Variants in VEPH1 observed in about 807,000 individuals in gnomAD.
VEPH1 encodes ventricular zone expressed PH domain containing 1, also known as ventricular zone-expressed PH domain-containing protein homolog 1.
In VEPH1, 80 loss-of-function variants were observed where a neutral mutation model predicts 85.2. That is an observed-to-expected ratio of 0.94 (90% CI 0.78 to 1.13). VEPH1 has a LOEUF of 1.13. VEPH1 is among the 50% of genes most tolerant of loss of function. The pLI, the probability that VEPH1 is intolerant of heterozygous loss-of-function variation, is 0.00. For synonymous variants in VEPH1, 297 were observed against 348.0 expected, an observed-to-expected ratio of 0.85 and a Z score of 1.63; for missense variants, 955 against 980.5, an observed-to-expected ratio of 0.97 and a Z score of 0.35.
intron 7 of VEPH1, among the ~76,000 whole-genome samples, chr3:157,373,386 T>C (rs996466612): frequency 6.6e-6 from 1 of 152,216 alleles, no homozygotes. Flanking sequence ...AGAGTTGATA[T>C]ATAGTCACGG....
At chr3:157,341,381 C>A (rs1723541738) in intron 9 of VEPH1, among the ~76,000 whole-genome samples, 1 of 152,126 alleles carries the variant, frequency 6.6e-6, no homozygotes. Flanking sequence ...GACGAATGCA[C>A]AAGCTTCAGT....
chr3:157,323,655 G>A (rs1197896260), intron 9 of VEPH1, among the ~76,000 whole-genome samples: 1 of 152,072 alleles, frequency 6.6e-6, no homozygotes, highest in Non-Finnish European at 1.5e-5. Context: ...TGGGCATGTT[G>A]GATGCTTTTG....
At chr3:157,436,591 A>G (rs1733593219) in intron 4 of VEPH1, among the ~76,000 whole-genome samples, 1 of 152,122 alleles carries the variant, frequency 6.6e-6, no homozygotes, top group African/African-American at 2.4e-5. Flanking sequence ...AAATTACAAC[A>G]GCTAATTCTC....
chr3:157,307,385 A>T (rs1283224920), intron 11 of VEPH1, among the ~76,000 whole-genome samples: 4 of 152,098 alleles, frequency 2.6e-5, no homozygotes, highest in East Asian at 3.9e-4. Flanking sequence ...ATAAGATTTC[A>T]TTGATTACAT....
intron 13 of VEPH1, among the ~76,000 whole-genome samples, chr3:157,262,164 GA>G (rs1018228879): frequency 1.3e-5 from 2 of 152,004 alleles, no homozygotes; most frequent in African/African-American, 2.4e-5. Context: ...TACTTTCTAT[GA>G]TGTTTTGTCC....
intron 2 of VEPH1, among the ~76,000 whole-genome samples, chr3:157,472,402 T>A (rs906083408): frequency 6.6e-6 from 1 of 152,250 alleles, no homozygotes; most frequent in Non-Finnish European, 1.5e-5. Flanking sequence ...ATTCATTTCC[T>A]AGTAATTGTT....
At chr3:157,340,912 A>T (rs931169839) in intron 9 of VEPH1, among the ~76,000 whole-genome samples, 5 of 152,234 alleles carry the variant, frequency 3.3e-5, no homozygotes, top group Non-Finnish European at 7.3e-5. Context: ...CTAGACAAAC[A>T]GGGTCTGGGG....
intron 11 of VEPH1, among the ~76,000 whole-genome samples, chr3:157,304,398 C>T (rs1310950191): frequency 1.3e-5 from 2 of 152,142 alleles, no homozygotes. Context: ...CAGCATACAA[C>T]ATTTCCCTAT....
At chr3:157,308,991 C>T (rs923750841) in intron 11 of VEPH1, among the ~76,000 whole-genome samples, 1 of 151,934 alleles carries the variant, frequency 6.6e-6, no homozygotes, top group Admixed American at 6.6e-5. Context: ...AATAGTGTTC[C>T]TTGTATTTTC....
chr3:157,424,821 AG>A (rs1163132479), intron 5 of VEPH1, among the ~76,000 whole-genome samples: 1 of 152,224 alleles, frequency 6.6e-6, no homozygotes, highest in Non-Finnish European at 1.5e-5. Flanking sequence ...AGAGCATAAA[AG>A]TTTGGAAAAT....
At chr3:157,283,059 A>G (rs989067930) in intron 12 of VEPH1, among the ~76,000 whole-genome samples, 2 of 152,252 alleles carry the variant, frequency 1.3e-5, no homozygotes, top group African/African-American at 4.8e-5. Context: ...CATTATCATA[A>G]TAAAGTCTCT....
chr3:157,316,683 A>G (rs1720786522), intron 10 of VEPH1, among the ~76,000 whole-genome samples: 1 of 152,172 alleles, frequency 6.6e-6, no homozygotes, highest in East Asian at 1.9e-4. Flanking sequence ...AATGTCAAAA[A>G]GGATATACTG....
Position 157,286,660 on chromosome 3 carries a change from T to C in VEPH1, c.2025A>G (p.Val675=), listed in dbSNP as rs1195516111. ...TFPQQKDLDQ[V]QLHLEEVRFF... is the part of the protein sequence containing the mutation. ...ACCTCACTTCTTCCAGATGGAGCTG[T>C]ACCTGGTCCAGATCCTGTGTCAGGA... Residue 675 remains valine, a synonymous_variant, in exon 12 of 14, where the codon GTA becomes GTG. Coordinates refer to ENST00000362010, the MANE Select transcript of VEPH1 (RefSeq NM_001167912.2). 6.2e-7 allele frequency: 1 copy of C among 1,613,890 alleles called. No individual in the cohort carries two copies. The highest frequency in any genetic ancestry group is 8.5e-7 in the Non-Finnish European group (1 of 1,179,788).
chr3:157,309,396 C>T, intron 11 of VEPH1, among the ~76,000 whole-genome samples: 1 of 152,162 alleles, frequency 6.6e-6, no homozygotes, highest in Admixed American at 6.5e-5. Context: ...TGCTCACTCA[C>T]TTTGTTCAGT....
At chr3:157,403,696 A>G (rs1258842963) in intron 6 of VEPH1, among the ~76,000 whole-genome samples, 1 of 152,200 alleles carries the variant, frequency 6.6e-6, no homozygotes, top group Non-Finnish European at 1.5e-5. Flanking sequence ...TCATGTATAT[A>G]CTGACATTGT....
intron 5 of VEPH1, among the ~76,000 whole-genome samples, chr3:157,422,483 C>CT (rs1732417928): frequency 1.3e-5 from 2 of 152,290 alleles, no homozygotes; most frequent in Admixed American, 1.3e-4. Flanking sequence ...ATTGTCTACC[C>CT]TCCCCTGCCT....
At chr3:157,347,335 T>C (rs1724339106) in intron 9 of VEPH1, among the ~76,000 whole-genome samples, 1 of 152,210 alleles carries the variant, frequency 6.6e-6, no homozygotes. Context: ...CTCATGTTTA[T>C]TTAAGCGTAT....
chr3:157,363,026 C>T (rs911146021), intron 9 of VEPH1, among the ~76,000 whole-genome samples: 2 of 152,080 alleles, frequency 1.3e-5, no homozygotes, highest in African/African-American at 4.8e-5. Flanking sequence ...TCTGGCAGAA[C>T]CCCTACCCCA....
rs376999546 is a variant in VEPH1 at position 157,495,202 on chromosome 3, G to T, written c.138+10C>A. 1.2e-6 allele frequency: 2 copies of T among 1,613,282 alleles called. No homozygotes were observed. The highest frequency in any genetic ancestry group is 1.7e-6 in the Non-Finnish European group (2 of 1,179,616). ...TTTCAGAGATGTAGTCTATAAACCA[G>T]TTTACTTACTGAAGATGAGCTAATT... On this transcript the variant is annotated intron_variant, in intron 2 of 13. Coordinates refer to ENST00000362010, the MANE Select transcript of VEPH1 (RefSeq NM_001167912.2).
Sources: allele counts gnomAD v4.1 joint callset (sites outside exome capture counted in the v4.1 genomes callset), GRCh38; gene constraint gnomAD v4.1.1; transcripts MANE v1.5; gene names NCBI Gene and HGNC (gene_info 2026-07-23, HGNC 2026-07-21).